The following PPP1R1A variants were observed in gnomAD, a reference collection of about 807,000 sequenced individuals.
PPP1R1A encodes the protein protein phosphatase 1 regulatory inhibitor subunit 1A.
PPP1R1A carries 18 observed loss-of-function variants against 23.9 expected under a neutral mutation model. The observed-to-expected ratio is 0.75, with a 90% CI of 0.52 to 1.12. PPP1R1A has a LOEUF of 1.12. PPP1R1A is among the 50% of genes most tolerant of loss of function. The pLI, the probability that PPP1R1A is intolerant of heterozygous loss-of-function variation, is 0.00. For missense variants in PPP1R1A, 207 were observed against 223.8 expected (o/e 0.92, Z 0.48); for synonymous variants, 84 against 80.7 (o/e 1.04, Z -0.22).
In PPP1R1A at chr12:54,580,114, C is replaced by T. The variant is rs1458974019; in HGVS notation, c.*273G>A. ...AGTAAAGTCAGGGCTAAGGGAAGAA[C>T]TCTTCCCTGCTCAAGGCTTCTGCCT... On this transcript the variant is annotated 3_prime_UTR_variant, in exon 7 of 7. Transcript: ENST00000257905. The T allele has an allele frequency of 1.6e-6, 2 of 1,234,720 alleles. No homozygotes were observed. The highest frequency in any genetic ancestry group is 3.7e-5 in the East Asian group (1 of 26,770). The allele number at this position is 1,234,720 out of a possible 1,614,324, so 76.5% of individuals were successfully genotyped here.
intron 2 of PPP1R1A, 87 bp from the exon 3 acceptor site, chr12:54,583,335 C>T: frequency 8.1e-7 from 1 of 1,239,462 alleles, no homozygotes; most frequent in South Asian, 1.9e-5. Context: ...GGGGATTCTG[C>T]AGCCATGCTC....
chr12:54,582,940 G>A (rs1957871257), intron 3 of PPP1R1A, 145 bp from the exon 4 acceptor site: 2 of 912,840 alleles, frequency 2.2e-6, no homozygotes, highest in Non-Finnish European at 3.3e-6. Flanking sequence ...CCTGGGGTAG[G>A]TGTGAGCTTC....
At chr12:54,583,771 T>G (rs960647115) in intron 2 of PPP1R1A, among the ~76,000 whole-genome samples, 1 of 152,212 alleles carries the variant, frequency 6.6e-6, no homozygotes, top group African/African-American at 2.4e-5. Context: ...TCCATACTCC[T>G]GTCAAGCTCT....
Position 54,581,767 on chromosome 12 carries a change from T to C in PPP1R1A, c.403+209A>G, listed in dbSNP as rs370598469. 6.6e-6 allele frequency among the ~76,000 whole-genome samples: 1 copy of C among 152,208 alleles called. No individual in the cohort carries two copies. Among genetic ancestry groups the C allele is most frequent in the African/African-American group, 2.4e-5 (1 of 41,430 alleles). ...CCACAGTGGGGCTCTGAGGTTCAAG[T>C]TGGGAGGGCTTGGTGTCACTCAGTA... On this transcript the variant is annotated intron_variant, in intron 5 of 6. Coordinates refer to ENST00000257905, the MANE Select transcript of PPP1R1A (RefSeq NM_006741.4). The surrounding 1 kb of genome is among the most constrained non-coding windows in gnomAD (Gnocchi z 4.1).
In PPP1R1A at chr12:54,579,910, A is replaced by C; in HGVS notation, c.*477T>G. The C allele has an allele frequency of 3.0e-6, 3 of 986,884 alleles. No individual in the cohort carries two copies. Among genetic ancestry groups the C allele is most frequent in the Non-Finnish European group, 3.6e-6 (3 of 830,962 alleles). 61.1% of individuals were successfully genotyped at this position (986,884 alleles called of 1,614,324 possible). A position where few individuals can be genotyped will look rare whatever the true frequency, so the allele number is the denominator to read the frequency against. On this transcript the variant is annotated 3_prime_UTR_variant, in exon 7 of 7. Transcript: ENST00000257905. ...GTCCAGCAGATGGAGCCCACCGCAC[A>C]GTCACAGCTGGACACGGCACAGGCC...
At chr12:54,587,696 C>T (rs1304177365) in intron 1 of PPP1R1A, among the ~76,000 whole-genome samples, 2 of 152,182 alleles carry the variant, frequency 1.3e-5, no homozygotes, top group Non-Finnish European at 2.9e-5. Flanking sequence ...AAAGACTCCA[C>T]CTCTGGCCTC....
At chr12:54,580,487 A>C (rs1256662665) in intron 6 of PPP1R1A, 95 bp from the exon 7 acceptor site, 3 of 1,254,796 alleles carry the variant, frequency 2.4e-6, no homozygotes, top group African/African-American at 3.0e-5. Flanking sequence ...TCAACATCTA[A>C]TGTCTCAGAA....
At chr12:54,585,687 T>C (rs373632066) in intron 1 of PPP1R1A, among the ~76,000 whole-genome samples, 1 of 151,682 alleles carries the variant, frequency 6.6e-6, no homozygotes, top group East Asian at 1.9e-4. Flanking sequence ...CCACTGGCCG[T>C]GGGGGGATGA....
rs754116418 is a variant in PPP1R1A, at chr12:54,583,259, C to G, written c.146-11G>C. The G allele has an allele frequency of 6.6e-6, 10 of 1,511,914 alleles. No homozygotes were observed. The highest frequency in any genetic ancestry group is 8.8e-6 in the Non-Finnish European group (10 of 1,134,134). 93.7% of individuals were successfully genotyped at this position (1,511,914 alleles called of 1,614,324 possible). ...GGTCTTCATCTATCTCTGAAGGGAA[C>G]AGGGAAAGGAGAGGGTGATAAGGAC... is the stretch of plus-strand genomic sequence containing the variant. On this transcript the variant is annotated splice_polypyrimidine_tract_variant and intron_variant, in intron 2 of 6. Coordinates refer to ENST00000257905, the MANE Select transcript of PPP1R1A (RefSeq NM_006741.4).
chr12:54,588,256 A>ACC lies in PPP1R1A; in HGVS notation c.84+147_84+148dup, dbSNP rs142801029. ...CCGACGGTGGGGGAGGGGACAGAAG[A>ACC]CCCCCCCCCGCCCCCCGCAAACTGA... On this transcript the variant is annotated intron_variant, in intron 1 of 6. Coordinates refer to ENST00000257905, the MANE Select transcript of PPP1R1A (RefSeq NM_006741.4). The ACC allele has an allele frequency of 6.0e-3, 1,085 of 181,526 alleles. 9 individuals are homozygous for ACC. The highest frequency in any genetic ancestry group is 8.5e-3 in the Admixed American group (128 of 14,992). 11.2% of individuals were successfully genotyped at this position (181,526 alleles called of 1,614,324 possible). A position where few individuals can be genotyped will look rare whatever the true frequency, so the allele number is the denominator to read the frequency against.
intron 1 of PPP1R1A, among the ~76,000 whole-genome samples, chr12:54,585,774 T>C (rs1207766947): frequency 7.3e-6 from 1 of 137,360 alleles, no homozygotes; most frequent in African/African-American, 2.8e-5. Context: ...TGTTTAAGCC[T>C]GAGGGGGGAA....
chr12:54,584,251 T>G lies in PPP1R1A; in HGVS notation c.145+9A>C. 1 of 1,595,406 alleles carries G rather than the reference T, an allele frequency of 6.3e-7. No homozygotes were observed. On this transcript the variant is annotated intron_variant, in intron 2 of 6. Transcript: ENST00000257905. ...CCCACGCCCTTCAGCAACCTATCCC[T>G]TGGCTTACCTGGGGATGACTGGTCA...
chr12:54,586,689 C>T (rs527327020), intron 1 of PPP1R1A, among the ~76,000 whole-genome samples: 6 of 152,262 alleles, frequency 3.9e-5, no homozygotes, highest in African/African-American at 1.2e-4. Context: ...GCCCAAGTCC[C>T]GGCTCTCTTT....
Position 54,581,863 on chromosome 12 carries a change from A to T in PPP1R1A, c.403+113T>A. ...CATATCCTTGAGACAGTTTTTGCCT[A>T]CTACTAGGCCTCTCCCAGGCTCCAA... On this transcript the variant is annotated intron_variant, in intron 5 of 6. Transcript: ENST00000257905. This position sits in a 1 kb window ranked among gnomAD's most constrained non-coding sequence, Gnocchi z 4.1. The T allele has an allele frequency of 1.6e-6, 2 of 1,225,638 alleles. No homozygotes were observed. Among genetic ancestry groups the T allele is most frequent in the Non-Finnish European group, 2.2e-6 (2 of 896,238 alleles). The allele number at this position is 1,225,638 out of a possible 1,614,324, so 75.9% of individuals were successfully genotyped here.
chr12:54,588,256 A>AGCCC lies in PPP1R1A; in HGVS notation c.84+148_84+149insGGGC. The AGCCC allele has an allele frequency of 1.7e-5, 3 of 180,668 alleles. No homozygotes were observed. In the East Asian group the frequency reaches 2.9e-4, roughly 17 times the overall value. 11.2% of individuals were successfully genotyped at this position (180,668 alleles called of 1,614,324 possible). A position where few individuals can be genotyped will look rare whatever the true frequency, so the allele number is the denominator to read the frequency against. On this transcript the variant is annotated intron_variant, in intron 1 of 6. Coordinates refer to ENST00000257905, the MANE Select transcript of PPP1R1A (RefSeq NM_006741.4). ...CCGACGGTGGGGGAGGGGACAGAAGACCCCCCCCCGCCCCCCGCAAACTGA... is the reference window on the plus strand; with the variant it reads ...CCGACGGTGGGGGAGGGGACAGAAGAGCCCCCCCCCCCCGCCCCCCGCAAACTGA...
chr12:54,584,536 T>C lies in PPP1R1A; in HGVS notation c.85-216A>G, dbSNP rs190458302. ...CTCACTTATAAGTGGGAGCTAAACA[T>C]TGAGTACTCATGGACATAAAGATAG... On this transcript the variant is annotated intron_variant, in intron 1 of 6. Transcript: ENST00000257905. Among the ~76,000 whole-genome samples, 1,168 of 152,064 alleles carry C rather than the reference T, an allele frequency of 7.7e-3. 13 individuals are homozygous for C. Among genetic ancestry groups the C allele is most frequent in the African/African-American group, 0.027 (1,122 of 41,444 alleles).
chr12:54,584,897 C>T (rs560033090), intron 1 of PPP1R1A, among the ~76,000 whole-genome samples: 12 of 152,134 alleles, frequency 7.9e-5, no homozygotes, highest in Non-Finnish European at 1.8e-4. Context: ...CTGGTCCTGG[C>T]CCCAGCTCTC....
At position 54,588,465 on chromosome 12, in the gene PPP1R1A, T is replaced by G; in HGVS notation, c.24A>C (p.Arg8=). Residue 8 remains arginine, a synonymous_variant, in exon 1 of 7, where the codon CGA becomes CGC. Coordinates refer to ENST00000257905, the MANE Select transcript of PPP1R1A (RefSeq NM_006741.4). Reference sequence around the variant, plus strand: ...GCAGCGGGACCGTGAACTGGATCTTTCGGGGGCTGTTGTCTTGCTCCATGG... The same window carrying G: ...GCAGCGGGACCGTGAACTGGATCTTGCGGGGGCTGTTGTCTTGCTCCATGG... MEQDNSP[R]KIQFTVPLLE... is the part of the protein sequence containing the mutation. The G allele has an allele frequency of 1.4e-6, 2 of 1,472,508 alleles. No homozygotes were observed. The highest frequency in any genetic ancestry group is 1.8e-6 in the Non-Finnish European group (2 of 1,105,178). 91.2% of individuals were successfully genotyped at this position (1,472,508 alleles called of 1,614,324 possible). A position where few individuals can be genotyped will look rare whatever the true frequency, so the allele number is the denominator to read the frequency against.
Position 54,581,464 on chromosome 12 carries a change from G to GGAAGCATC in PPP1R1A, c.404-415_404-414insGATGCTTC, listed in dbSNP as rs1437266329. Among the ~76,000 whole-genome samples the GGAAGCATC allele has an allele frequency of 6.6e-6, 1 of 152,162 alleles. No individual in the cohort carries two copies. Among genetic ancestry groups the GGAAGCATC allele is most frequent in the African/African-American group, 2.4e-5 (1 of 41,422 alleles). On this transcript the variant is annotated intron_variant, in intron 5 of 6. Coordinates refer to ENST00000257905, the MANE Select transcript of PPP1R1A (RefSeq NM_006741.4). The surrounding 1 kb of genome is among the most constrained non-coding windows in gnomAD (Gnocchi z 4.1). ...TTATGTACTATATCTTCATAAAATT[G>GGAAGCATC]GAAGCATTCTGAATTCTGGAATATA...
Sources: gnomAD v4.1 joint callset for allele counts (sites outside exome capture counted in the v4.1 genomes callset) on GRCh38, gnomAD v4.1.1 for gene constraint, Gnocchi (gnomAD v3.1) non-coding constraint, MANE v1.5 for transcripts, NCBI Gene and HGNC (gene_info 2026-07-23, HGNC 2026-07-21) for gene names.